Variants in RAD51B observed in about 807,000 individuals in gnomAD.
RAD51B encodes RAD51 paralog B, also known as DNA repair protein RAD51 homolog 2.
In RAD51B, 38 loss-of-function variants were observed where a neutral mutation model predicts 42.2. That is an observed-to-expected ratio of 0.90 (90% CI 0.70 to 1.18). The LOEUF (loss-of-function observed/expected upper bound fraction) is 1.18. RAD51B is among the 50% of genes most tolerant of loss of function. RAD51B has a pLI of 0.00. For missense variants in RAD51B, 373 were observed against 400.7 expected (o/e 0.93, Z 0.59); for synonymous variants, 154 against 145.2 (o/e 1.06, Z -0.43).
chr14:68,376,875 A>G (rs1184037795), intron 8 of RAD51B, among the ~76,000 whole-genome samples: 1 of 152,220 alleles, frequency 6.6e-6, no homozygotes, highest in Non-Finnish European at 1.5e-5. Context: ...TGATTGGCTA[A>G]TTAGACATAA....
chr14:67,999,553 C>A (rs1277851620), intron 7 of RAD51B, among the ~76,000 whole-genome samples: 2 of 152,186 alleles, frequency 1.3e-5, no homozygotes, highest in African/African-American at 4.8e-5. Flanking sequence ...ATCAGATAGG[C>A]TTTGGTTAAA....
At chr14:68,485,277 C>T (rs1206094258) in intron 10 of RAD51B, among the ~76,000 whole-genome samples, 1 of 152,188 alleles carries the variant, frequency 6.6e-6, no homozygotes, top group Non-Finnish European at 1.5e-5. Flanking sequence ...CATCTCTTTT[C>T]ACTGCTCACC....
chr14:68,675,366 AG>A (rs1459312171), intron 11 of RAD51B, among the ~76,000 whole-genome samples: 1 of 152,168 alleles, frequency 6.6e-6, no homozygotes, highest in Non-Finnish European at 1.5e-5. Context: ...GGAATGACAG[AG>A]GGAAGTGACT....
intron 7 of RAD51B, among the ~76,000 whole-genome samples, chr14:68,268,373 C>G (rs985862075): frequency 6.6e-6 from 1 of 152,210 alleles, no homozygotes; most frequent in Non-Finnish European, 1.5e-5. Flanking sequence ...CACTTCCTCC[C>G]ATGTACATTT....
At chr14:68,087,872 T>A (rs11848495) in intron 7 of RAD51B, among the ~76,000 whole-genome samples, 1 of 81,566 alleles carries the variant, frequency 1.2e-5, no homozygotes, top group Non-Finnish European at 2.3e-5. Flanking sequence ...ATATAATATA[T>A]TATTTATATA....
At chr14:68,391,136 G>GTCTGTCTTTCTTTCTT (rs1555402752) in intron 8 of RAD51B, among the ~76,000 whole-genome samples, 9 of 141,676 alleles carry the variant, frequency 6.4e-5, no homozygotes, top group Non-Finnish European at 9.1e-5. Context: ...TATGAGACTT[G>GTCTGTCTTTCTTTCTT]TCTTTCTTTC....
chr14:68,344,946 C>CAAAAAAA (rs34579667), intron 8 of RAD51B, among the ~76,000 whole-genome samples: 2 of 113,274 alleles, frequency 1.8e-5, no homozygotes, highest in Non-Finnish European at 3.6e-5. Context: ...GACTCAATCT[C>CAAAAAAA]AAAAAAAAAA....
chr14:68,085,381 A>T (rs940065874), intron 7 of RAD51B, among the ~76,000 whole-genome samples: 1 of 152,162 alleles, frequency 6.6e-6, no homozygotes, highest in African/African-American at 2.4e-5. Flanking sequence ...CATAGAGAAG[A>T]GGGCCTAGTA....
intron 8 of RAD51B, among the ~76,000 whole-genome samples, chr14:68,373,164 T>A (rs1247351401): frequency 1.3e-5 from 2 of 152,212 alleles, no homozygotes; most frequent in Non-Finnish European, 1.5e-5. Flanking sequence ...TCTTTGAGAG[T>A]GGCTTTGTAT....
chr14:68,629,024 G>T (rs1055969199), intron 10 of RAD51B, among the ~76,000 whole-genome samples: 1 of 152,146 alleles, frequency 6.6e-6, no homozygotes, highest in Non-Finnish European at 1.5e-5. Context: ...CCGCAAGTTC[G>T]GGGCTCGAGA....
At chr14:68,446,797 G>A (rs1352001085) in intron 9 of RAD51B, among the ~76,000 whole-genome samples, 1 of 152,154 alleles carries the variant, frequency 6.6e-6, no homozygotes, top group African/African-American at 2.4e-5. Context: ...ATCATCTGAG[G>A]CCCTGGATCC....
At chr14:67,841,142 G>A (rs1189331714) in intron 4 of RAD51B, among the ~76,000 whole-genome samples, 2 of 152,132 alleles carry the variant, frequency 1.3e-5, no homozygotes, top group African/African-American at 2.4e-5. Flanking sequence ...GGTGTGAGAT[G>A]GTATCTCATT....
At chr14:68,396,319 T>G (rs187162730) in intron 8 of RAD51B, among the ~76,000 whole-genome samples, 8 of 152,256 alleles carry the variant, frequency 5.3e-5, no homozygotes, top group African/African-American at 1.9e-4. Context: ...ACATCCACAT[T>G]ACAGATGAAA....
At chr14:68,680,060 TA>T (rs1893394775) in intron 11 of RAD51B, among the ~76,000 whole-genome samples, 1 of 152,242 alleles carries the variant, frequency 6.6e-6, no homozygotes, top group Non-Finnish European at 1.5e-5. Flanking sequence ...CTGAATCAGG[TA>T]ATCGTTTTCA....
intron 10 of RAD51B, among the ~76,000 whole-genome samples, chr14:68,591,064 C>T (rs1403422869): frequency 6.6e-6 from 1 of 152,192 alleles, no homozygotes; most frequent in African/African-American, 2.4e-5. Flanking sequence ...TCTTTTCTTC[C>T]CTCCTTCCTA....
intron 7 of RAD51B, among the ~76,000 whole-genome samples, chr14:67,903,610 C>T (rs2140097518): frequency 6.6e-6 from 1 of 152,208 alleles, no homozygotes; most frequent in South Asian, 2.1e-4. Flanking sequence ...TAATAGAACC[C>T]TAATCGTGTT....
chr14:68,604,932 C>A (rs1891384793), intron 10 of RAD51B, among the ~76,000 whole-genome samples: 1 of 152,192 alleles, frequency 6.6e-6, no homozygotes, highest in Admixed American at 6.5e-5. Flanking sequence ...CTCAGCTTTT[C>A]AGTAAAACGA....
intron 7 of RAD51B, among the ~76,000 whole-genome samples, chr14:67,970,359 G>A (rs1472075519): frequency 6.6e-6 from 1 of 152,076 alleles, no homozygotes; most frequent in Non-Finnish European, 1.5e-5. Context: ...TTCTATGTTA[G>A]GTAGAACAGT....
At chr14:68,346,370 C>T (rs545407848) in intron 8 of RAD51B, among the ~76,000 whole-genome samples, 23 of 152,194 alleles carry the variant, frequency 1.5e-4, no homozygotes, top group Non-Finnish European at 2.1e-4. Flanking sequence ...CATTCCTCCT[C>T]TTCTATTTCT....
Sources: allele counts gnomAD v4.1 joint callset (sites outside exome capture counted in the v4.1 genomes callset), GRCh38; gene constraint gnomAD v4.1.1; transcripts MANE v1.5; gene names NCBI Gene and HGNC (gene_info 2026-07-23, HGNC 2026-07-21).